PCLO: variants seen among roughly 807,000 people sequenced by gnomAD.
PCLO encodes protein piccolo.
A neutral mutation model predicts 427.5 loss-of-function variants in PCLO; 82 were observed. That is an observed-to-expected ratio of 0.19 (90% CI 0.16 to 0.23). The LOEUF (loss-of-function observed/expected upper bound fraction) is 0.23, where lower values mean the gene tolerates loss of function less well. Ranked by LOEUF, PCLO falls within the 10% of genes least tolerant of loss-of-function variation. The pLI is 1.00. For synonymous variants in PCLO, 2,357 were observed against 2,155.4 expected (o/e 1.09, Z -2.59); for missense variants, 6,239 against 6,115.9 (o/e 1.02, Z -0.67).
chr7:82,795,009 C>T (rs896598049), intron 22 of PCLO, among the ~76,000 whole-genome samples: 2 of 152,018 alleles, frequency 1.3e-5, no homozygotes, highest in African/African-American at 2.4e-5. Context: ...TCTTATCTTG[C>T]TTAGGAAATT....
At chr7:82,793,855 A>G (rs1483103080) in intron 22 of PCLO, among the ~76,000 whole-genome samples, 1 of 151,998 alleles carries the variant, frequency 6.6e-6, no homozygotes, top group Non-Finnish European at 1.5e-5. Context: ...GTATGCTTCT[A>G]TGTGGTTAAT....
intron 3 of PCLO, among the ~76,000 whole-genome samples, chr7:82,976,897 A>G (rs185342334): frequency 7.6e-4 from 116 of 152,250 alleles, no homozygotes; most frequent in African/African-American, 2.6e-3. Context: ...AAACATTTTT[A>G]TCATTTTTGT....
intron 22 of PCLO, among the ~76,000 whole-genome samples, chr7:82,798,328 A>C (rs1791270502): frequency 6.6e-6 from 1 of 152,166 alleles, no homozygotes; most frequent in Non-Finnish European, 1.5e-5. Flanking sequence ...ATGGAGGAAA[A>C]ATACAATAAA....
intron 23 of PCLO, 87 bp downstream of exon 23, chr7:82,761,272 C>T (rs1790427183): frequency 2.7e-6 from 2 of 735,504 alleles, no homozygotes; most frequent in African/African-American, 3.6e-5. Context: ...GTGTACAGTT[C>T]AAATTTTAGT....
At position 82,951,224 on chromosome 7, in the gene PCLO, G is replaced by A. The variant is rs1370031106; in HGVS notation, c.9364C>T (p.His3122Tyr). ...AATGAAGTCACTGCATCAGCCGTAT[G>A]AATACCAGACAAATCCCTCACTGTG... ...STTVRDLSGI[H>Y]TADAVTSLPA... The change falls in exon 6 of 25, where the codon CAT (histidine) becomes TAT (tyrosine). Residue 3122 changes from histidine to tyrosine, a missense_variant. His to Tyr is a moderately conservative substitution (Grantham distance 83). Transcript: ENST00000333891. 6 of 1,613,634 alleles carry A rather than the reference G, an allele frequency of 3.7e-6. No homozygotes were observed. In the Admixed American group the frequency reaches 6.7e-5, roughly 18 times the overall value.
intron 16 of PCLO, among the ~76,000 whole-genome samples, chr7:82,833,572 C>CT (rs1369179895): frequency 6.6e-6 from 1 of 151,922 alleles, no homozygotes; most frequent in African/African-American, 2.4e-5. Context: ...TAACAGGACT[C>CT]TTATTTTAAA....
intron 1 of PCLO, among the ~76,000 whole-genome samples, chr7:83,158,408 G>A (rs1792351803): frequency 1.3e-5 from 2 of 150,922 alleles, no homozygotes; most frequent in South Asian, 4.2e-4. Context: ...CCCTTGAACA[G>A]CACATGCTTA....
chr7:82,858,365 T>C (rs1440477348), intron 10 of PCLO, among the ~76,000 whole-genome samples: 2 of 152,144 alleles, frequency 1.3e-5, no homozygotes, highest in Non-Finnish European at 2.9e-5. Context: ...AATATCATAC[T>C]CAATGAAGAA....
chr7:82,983,349 G>A (rs1796189632), intron 3 of PCLO, among the ~76,000 whole-genome samples: 1 of 150,946 alleles, frequency 6.6e-6, no homozygotes, highest in African/African-American at 2.4e-5. Context: ...TAACCAATGT[G>A]TAAGGTTCTA....
chr7:82,767,597 G>T (rs1790557924), intron 22 of PCLO, among the ~76,000 whole-genome samples: 1 of 151,878 alleles, frequency 6.6e-6, no homozygotes, highest in African/African-American at 2.4e-5. Context: ...AGAGAATAAA[G>T]GTAGAGAACA....
chr7:82,787,049 G>A (rs748930552), intron 22 of PCLO, among the ~76,000 whole-genome samples: 5 of 151,830 alleles, frequency 3.3e-5, no homozygotes, highest in African/African-American at 4.8e-5. Context: ...ATAAACATAC[G>A]TGTGCATGTG....
In PCLO at chr7:83,162,517, C is replaced by T; in HGVS notation, c.76G>A (p.Ala26Thr). 1 of 1,560,654 alleles carries T rather than the reference C, an allele frequency of 6.4e-7. No homozygotes were observed. The highest frequency in any genetic ancestry group is 8.7e-7 in the Non-Finnish European group (1 of 1,153,372). Residue 26 changes from alanine (A) to threonine (T), a missense_variant, in exon 1 of 25, where the codon GCT becomes ACT. Around this residue, in one of 5 missense-constraint regions of PCLO, gnomAD observed 4,677 missense variants for 4,468.4 expected, o/e 1.05. Transcript: ENST00000333891. Reference sequence around the variant, plus strand: ...TGAGAGGGGCTCCCCGCCCCGCTAGCTCCTCCTCCAGCCGCTGCGGCCGCC... The same window carrying T: ...TGAGAGGGGCTCCCCGCCCCGCTAGTTCCTCCTCCAGCCGCTGCGGCCGCC... ...LAAAAAAGGG[A>T]SGAGSPSHTA...
chr7:82,902,132 T>G (rs569091541), intron 9 of PCLO, among the ~76,000 whole-genome samples: 2,294 of 152,014 alleles, frequency 0.015, 14 homozygotes, highest in Middle Eastern at 0.054. Context: ...CACACGTATG[T>G]TTATTGCGGG....
chr7:83,124,353 C>CAA (rs1000734708), intron 3 of PCLO, among the ~76,000 whole-genome samples: 16 of 57,448 alleles, frequency 2.8e-4, no homozygotes, highest in Admixed American at 5.7e-4. Context: ...GACTCCGTCT[C>CAA]AAAAAAAAAA....
chr7:83,080,800 G>C (rs1314052012), intron 3 of PCLO, among the ~76,000 whole-genome samples: 1 of 152,020 alleles, frequency 6.6e-6, no homozygotes, highest in Admixed American at 6.6e-5. Context: ...AAGACTCCCA[G>C]TGGATGCCTG....
intron 6 of PCLO, among the ~76,000 whole-genome samples, chr7:82,941,871 C>T (rs1186676472): frequency 2.0e-5 from 3 of 152,006 alleles, no homozygotes; most frequent in Non-Finnish European, 2.9e-5. Flanking sequence ...TAATGTTTAG[C>T]AATTTAAACA....
At chr7:82,791,695 G>A (rs1456960526) in intron 22 of PCLO, among the ~76,000 whole-genome samples, 1 of 152,100 alleles carries the variant, frequency 6.6e-6, no homozygotes, top group East Asian at 1.9e-4. Flanking sequence ...TTCCTTAAGG[G>A]AAAGTAATAC....
At chr7:82,804,481 A>G (rs1791419668) in intron 21 of PCLO, among the ~76,000 whole-genome samples, 1 of 152,316 alleles carries the variant, frequency 6.6e-6, no homozygotes, top group East Asian at 1.9e-4. Context: ...GGAAAGATTT[A>G]TAAGAACCTT....
At chr7:83,023,250 T>C (rs372785230) in intron 3 of PCLO, among the ~76,000 whole-genome samples, 1 of 152,272 alleles carries the variant, frequency 6.6e-6, no homozygotes, top group East Asian at 1.9e-4. Context: ...AATGTAAAAA[T>C]TGTAGCTGTA....
Sources: allele counts gnomAD v4.1 joint callset (sites outside exome capture counted in the v4.1 genomes callset), GRCh38; gene constraint gnomAD v4.1.1; regional missense constraint gnomAD v4.1.1; transcripts MANE v1.5; gene names NCBI Gene and HGNC (gene_info 2026-07-23, HGNC 2026-07-21).